Variants in YES1 observed in about 807,000 individuals in gnomAD.
YES1 encodes YES proto-oncogene 1, Src family tyrosine kinase, also known as tyrosine-protein kinase Yes.
YES1 carries 39 observed loss-of-function variants against 70.4 expected under a neutral mutation model. The observed-to-expected ratio is 0.55, with a 90% CI of 0.43 to 0.72. YES1 has a LOEUF of 0.72. Ranked by LOEUF, YES1 falls within the 30% of genes least tolerant of loss-of-function variation. YES1 has a pLI of 0.00. For synonymous variants in YES1, 198 were observed against 218.6 expected (o/e 0.91, Z 0.83); for missense variants, 495 against 644.8 (o/e 0.77, Z 2.52).
chr18:774,590 T>C (rs990362786), intron 1 of YES1, among the ~76,000 whole-genome samples: 3 of 152,152 alleles, frequency 2.0e-5, no homozygotes, highest in African/African-American at 7.2e-5. Flanking sequence ...AACTCCTCAG[T>C]AACCCCCCGG....
intron 8 of YES1, 107 bp from the exon 9 acceptor site, chr18:739,918 A>T: frequency 1.3e-6 from 1 of 762,060 alleles, no homozygotes; most frequent in East Asian, 3.0e-5. Flanking sequence ...TTAGCTTTTC[A>T]TTTTTTTTAA....
chr18:774,120 G>A (rs1002810870), intron 1 of YES1, among the ~76,000 whole-genome samples: 6 of 152,088 alleles, frequency 3.9e-5, no homozygotes, highest in South Asian at 2.1e-4. Flanking sequence ...CTTAAGCCAC[G>A]GCGCCTGGCC....
rs758304599 is a variant in YES1 at position 743,320 on chromosome 18, G to T, written c.820C>A (p.Arg274=). 1.9e-6 allele frequency: 3 copies of T among 1,612,252 alleles called. No individual in the cohort carries two copies. In the East Asian group the frequency reaches 6.7e-5, roughly 36 times the overall value. ...TTAACCTCTAGTCGCAAAGATTCTCGAGGGATTTCCCAAGCATCTTTTGCT... is the reference window on the plus strand; with the variant it reads ...TTAACCTCTAGTCGCAAAGATTCTCTAGGGATTTCCCAAGCATCTTTTGCT... The part of the protein sequence containing the change: ...GLAKDAWEIP[R]ESLRLEVKLG... Residue 274 remains arginine (R), a synonymous_variant, in exon 7 of 12, where the codon CGA becomes AGA. Transcript: ENST00000314574.
intron 1 of YES1, among the ~76,000 whole-genome samples, chr18:762,917 A>G (rs1904668787): frequency 6.6e-6 from 1 of 152,228 alleles, no homozygotes; most frequent in Non-Finnish European, 1.5e-5. Flanking sequence ...GTTAGAGTGG[A>G]GGTATGTACA....
intron 1 of YES1, among the ~76,000 whole-genome samples, chr18:790,722 TTAAAAGA>T (rs1331494211): frequency 1.3e-5 from 2 of 152,148 alleles, no homozygotes; most frequent in African/African-American, 4.8e-5. Flanking sequence ...AATAACTCAG[TTAAAAGA>T]TAGGAGACCT....
chr18:777,806 TA>T (rs35073440), intron 1 of YES1, among the ~76,000 whole-genome samples: 5,409 of 129,206 alleles, frequency 0.042, 179 homozygotes, highest in African/African-American at 0.1. Context: ...GACTCTGGCT[TA>T]AAAAAAAAAA....
At chr18:797,963 C>G (rs1046205773) in intron 1 of YES1, 1 of 152,146 alleles carries the variant, frequency 6.6e-6, no homozygotes, top group African/African-American at 2.4e-5. Flanking sequence ...AAACTTCACA[C>G]TATGATCTCT....
intron 8 of YES1, among the ~76,000 whole-genome samples, chr18:741,071 T>G (rs2080211918): frequency 6.6e-6 from 1 of 151,988 alleles, no homozygotes; most frequent in Admixed American, 6.6e-5. Flanking sequence ...CTGTTTTTTG[T>G]ATTTTTAGCA....
chr18:746,481 G>A (rs2080282462), intron 4 of YES1, among the ~76,000 whole-genome samples: 1 of 152,164 alleles, frequency 6.6e-6, no homozygotes, highest in Non-Finnish European at 1.5e-5. Flanking sequence ...CTCTAAATAT[G>A]TGTGGGTTTA....
chr18:732,409 C>A (rs1459186308), intron 11 of YES1, among the ~76,000 whole-genome samples: 1 of 143,398 alleles, frequency 7.0e-6, no homozygotes, highest in Non-Finnish European at 1.5e-5. Flanking sequence ...TGCACTCCAG[C>A]CTGGGTGACA....
intron 1 of YES1, among the ~76,000 whole-genome samples, chr18:772,504 C>T (rs922455679): frequency 6.6e-6 from 1 of 151,964 alleles, no homozygotes; most frequent in African/African-American, 2.4e-5. Flanking sequence ...GCGATCTCGG[C>T]TCACTGCAAC....
intron 1 of YES1, among the ~76,000 whole-genome samples, chr18:781,127 G>A (rs552120537): frequency 7.9e-5 from 12 of 151,960 alleles, no homozygotes; most frequent in Non-Finnish European, 5.9e-5. Context: ...AAATTAACTG[G>A]GAGTGGTGGC....
At chr18:756,218 G>A (rs2080404205) in intron 2 of YES1, among the ~76,000 whole-genome samples, 1 of 151,530 alleles carries the variant, frequency 6.6e-6, no homozygotes, top group East Asian at 1.9e-4. Flanking sequence ...ACAATCCTGA[G>A]AAGTTGTCAA....
At chr18:758,027 A>G (rs975051076) in intron 1 of YES1, among the ~76,000 whole-genome samples, 1 of 152,172 alleles carries the variant, frequency 6.6e-6, no homozygotes, top group African/African-American at 2.4e-5. Context: ...TACCAGGACT[A>G]TGTCAACAGA....
chr18:734,267 A>G (rs1033283922), intron 10 of YES1, among the ~76,000 whole-genome samples: 1 of 147,126 alleles, frequency 6.8e-6, no homozygotes, highest in African/African-American at 2.5e-5. Flanking sequence ...CAAAAAAGCA[A>G]AACTTGGCCA....
chr18:773,434 T>C (rs1392964812), intron 1 of YES1, among the ~76,000 whole-genome samples: 2 of 152,194 alleles, frequency 1.3e-5, no homozygotes, highest in African/African-American at 2.4e-5. Context: ...CCCTTTCCTA[T>C]TTCTTATATG....
At chr18:783,539 G>T (rs1384117883) in intron 1 of YES1, among the ~76,000 whole-genome samples, 1 of 151,922 alleles carries the variant, frequency 6.6e-6, no homozygotes, top group Non-Finnish European at 1.5e-5. Context: ...TGAGAAGTCT[G>T]TAAGCTCATA....
chr18:753,513 G>C (rs925431620), intron 2 of YES1, among the ~76,000 whole-genome samples: 2 of 152,120 alleles, frequency 1.3e-5, no homozygotes, highest in African/African-American at 4.8e-5. Context: ...TTGAGACGGA[G>C]TCTTGCTCTG....
Position 722,221 on chromosome 18 carries a change from T to G in YES1, c.*2203A>C, listed in dbSNP as rs992155252. 6.6e-6 allele frequency: 1 copy of G among 152,612 alleles called. No homozygotes were observed. Among genetic ancestry groups the G allele is most frequent in the African/African-American group, 2.4e-5 (1 of 41,436 alleles). 9.5% of individuals were successfully genotyped at this position (152,612 alleles called of 1,614,324 possible). The stretch of plus-strand genomic sequence containing the variant: ...CCCTTAAAAAATCTCATGTCACAAG[T>G]TGTTGATAAGAGGAAATAATGACAG... On this transcript the variant is annotated 3_prime_UTR_variant, in exon 12 of 12. Transcript: ENST00000314574.
Sources: gnomAD v4.1 joint callset for allele counts (sites outside exome capture counted in the v4.1 genomes callset) on GRCh38, gnomAD v4.1.1 for gene constraint, MANE v1.5 for transcripts, NCBI Gene and HGNC (gene_info 2026-07-23, HGNC 2026-07-21) for gene names.